Variants in CERT1 observed in about 807,000 individuals in gnomAD.
CERT1 encodes the protein ceramide transporter 1.
Under a neutral mutation model 87.9 loss-of-function variants are expected in CERT1, and 31 were observed. The ratio of observed to expected loss-of-function variants is 0.35; its 90% CI spans 0.27 to 0.48. CERT1 has a LOEUF of 0.48. Among genes scored for constraint, CERT1 ranks in the 20% least tolerant of loss-of-function variants. The pLI is 0.99. For synonymous variants in CERT1, 289 were observed against 250.9 expected (o/e 1.15, Z -1.44); for missense variants, 487 against 758.0 (o/e 0.64, Z 4.20).
At chr5:75,433,349 G>A (rs1580764183) in intron 3 of CERT1, among the ~76,000 whole-genome samples, 2 of 152,124 alleles carry the variant, frequency 1.3e-5, no homozygotes, top group Non-Finnish European at 2.9e-5. Context: ...CCATTTGTTT[G>A]TGTCATCTCC....
Position 75,377,782 on chromosome 5 carries a change from T to C in CERT1, c.*1564A>G, listed in dbSNP as rs547779088. The C allele has an allele frequency of 6.6e-6, 1 of 152,246 alleles. No homozygotes were observed. Among genetic ancestry groups the C allele is most frequent in the Non-Finnish European group, 1.5e-5 (1 of 68,018 alleles). The allele number at this position is 152,246 out of a possible 1,614,324, so 9.4% of individuals were successfully genotyped here. A position where few individuals can be genotyped will look rare whatever the true frequency, so the allele number is the denominator to read the frequency against. On this transcript the variant is annotated 3_prime_UTR_variant, in exon 17 of 17. Transcript: ENST00000643780. ...AGGGTAAATTTTACTGTATAACTTT[T>C]TCATACTTTTGACTTTATTTATTTA...
chr5:75,437,135 T>A (rs1204926950), intron 3 of CERT1, among the ~76,000 whole-genome samples: 1 of 152,146 alleles, frequency 6.6e-6, no homozygotes, highest in East Asian at 1.9e-4. Context: ...TGTCCAGTAT[T>A]AATGAGTCTT....
intron 17 of CERT1, chr5:75,371,222 T>C (rs973120692): frequency 5.9e-5 from 9 of 152,200 alleles, no homozygotes; most frequent in Non-Finnish European, 1.0e-4. Context: ...CATAAAGCTA[T>C]TATAGAAGTT....
downstream of CERT1, chr5:75,376,692 C>A (rs540070483): frequency 5.3e-5 from 8 of 152,274 alleles, no homozygotes; most frequent in African/African-American, 1.9e-4. Context: ...AAGGGTAAGG[C>A]TATATTCCAA....
In CERT1 at chr5:75,389,673, C is replaced by T. The variant is rs1197041834; in HGVS notation, c.1203G>A (p.Val401=). The T allele has an allele frequency of 2.5e-6, 4 of 1,613,750 alleles. No individual in the cohort carries two copies. Among genetic ancestry groups the T allele is most frequent in the Admixed American group, 3.3e-5 (2 of 60,002 alleles). Residue 401 remains valine, a synonymous_variant, in exon 12 of 17, where the codon GTG becomes GTA. Coordinates refer to ENST00000643780, the MANE Select transcript of CERT1 (RefSeq NM_001379029.1). ...GTAATGAGTAAGTCATGTGGTTCTG[C>T]ACCATCTCTTCAACCTTGAGAAGGG... ...HRFSSQVEEM[V]QNHMTYSLQD...
At chr5:75,492,339 G>A (rs1396283804) in intron 2 of CERT1, among the ~76,000 whole-genome samples, 2 of 152,120 alleles carry the variant, frequency 1.3e-5, no homozygotes, top group Admixed American at 6.6e-5. Flanking sequence ...TTCCAGCCTG[G>A]ACGGCAGCAT....
In CERT1 at chr5:75,379,376, T is replaced by C. The variant is rs781220540; in HGVS notation, c.1845A>G (p.Glu615=). Residue 615 remains glutamate (E), a synonymous_variant, in exon 17 of 17, where the codon GAA becomes GAG. Transcript: ENST00000643780. ...FLKRFTSYVQ[E]KTAGKPILF Reference sequence around the variant, plus strand: ...ACAAAATAGGCTTTCCTGCAGTTTTTTCTTGGACGTAAGAAGTAAAACGTT... The same window carrying C: ...ACAAAATAGGCTTTCCTGCAGTTTTCTCTTGGACGTAAGAAGTAAAACGTT... 1 of 1,613,868 alleles carries C rather than the reference T, an allele frequency of 6.2e-7. No homozygotes were observed. The highest frequency in any genetic ancestry group is 8.5e-7 in the Non-Finnish European group (1 of 1,179,786).
chr5:75,510,286 A>C (rs911911128), intron 1 of CERT1, among the ~76,000 whole-genome samples: 1 of 152,164 alleles, frequency 6.6e-6, no homozygotes, highest in African/African-American at 2.4e-5. Context: ...TTACAGCAAA[A>C]ACTTAAAAAA....
intron 11 of CERT1, among the ~76,000 whole-genome samples, chr5:75,392,132 C>T (rs1561228602): frequency 6.6e-6 from 1 of 152,070 alleles, no homozygotes; most frequent in Non-Finnish European, 1.5e-5. Flanking sequence ...ACAGATTCCA[C>T]AAATATAAAC....
At chr5:75,381,684 C>T (rs1761591868) in intron 15 of CERT1, among the ~76,000 whole-genome samples, 1 of 152,116 alleles carries the variant, frequency 6.6e-6, no homozygotes, top group Non-Finnish European at 1.5e-5. Flanking sequence ...AAGTAGCCTA[C>T]TGCCCAGTGT....
At chr5:75,508,375 G>A (rs1478443279) in intron 1 of CERT1, among the ~76,000 whole-genome samples, 4 of 152,166 alleles carry the variant, frequency 2.6e-5, no homozygotes, top group African/African-American at 7.2e-5. Context: ...TTAACCTTCA[G>A]CATTTCTCAC....
chr5:75,431,790 C>T (rs559074481), intron 3 of CERT1, among the ~76,000 whole-genome samples: 1 of 152,104 alleles, frequency 6.6e-6, no homozygotes, highest in Non-Finnish European at 1.5e-5. Flanking sequence ...GGTATATATG[C>T]CACATTTTAT....
downstream of CERT1, chr5:75,376,572 C>T (rs1392142193): frequency 1.3e-5 from 2 of 152,198 alleles, no homozygotes; most frequent in South Asian, 2.1e-4. Context: ...GACTCAGAAT[C>T]GATAAGAAGT....
chr5:75,444,123 T>A (rs919688309), intron 3 of CERT1, among the ~76,000 whole-genome samples: 1 of 152,214 alleles, frequency 6.6e-6, no homozygotes, highest in Non-Finnish European at 1.5e-5. Flanking sequence ...TGGCGTGATC[T>A]TGGCTCACTG....
intron 3 of CERT1, among the ~76,000 whole-genome samples, chr5:75,452,526 A>G (rs1764807149): frequency 6.6e-6 from 1 of 152,146 alleles, no homozygotes; most frequent in Non-Finnish European, 1.5e-5. Flanking sequence ...TTTTCATAGT[A>G]AGCAGAAACT....
At chr5:75,489,507 T>C (rs1292186129) in intron 2 of CERT1, among the ~76,000 whole-genome samples, 2 of 151,970 alleles carry the variant, frequency 1.3e-5, no homozygotes, top group African/African-American at 4.8e-5. Flanking sequence ...ATTTGACAAA[T>C]GGCCAATATG....
intron 2 of CERT1, 27 bp from the exon 3 acceptor site, chr5:75,459,208 A>G (rs768772534): frequency 1.4e-6 from 2 of 1,400,252 alleles, no homozygotes; most frequent in Non-Finnish European, 2.0e-6. Flanking sequence ...GAAAATGAAA[A>G]GCAAAGCTAA....
intron 11 of CERT1, among the ~76,000 whole-genome samples, chr5:75,394,702 G>A (rs1762176076): frequency 6.6e-6 from 1 of 151,706 alleles, no homozygotes; most frequent in Admixed American, 6.6e-5. Flanking sequence ...CCAGTCTGGG[G>A]AACAAAGCAA....
intron 3 of CERT1, among the ~76,000 whole-genome samples, chr5:75,436,503 C>CT (rs1228693240): frequency 6.6e-6 from 1 of 152,014 alleles, no homozygotes; most frequent in Non-Finnish European, 1.5e-5. Flanking sequence ...TAAAGGTTTC[C>CT]TTTTCCTTCC....
Sources: gnomAD v4.1 joint callset for allele counts (sites outside exome capture counted in the v4.1 genomes callset) on GRCh38, gnomAD v4.1.1 for gene constraint, MANE v1.5 for transcripts, NCBI Gene and HGNC (gene_info 2026-07-23, HGNC 2026-07-21) for gene names.